TLN2: variants seen among roughly 807,000 people sequenced by gnomAD.
TLN2 encodes the protein talin 2, also known as talin-2.
Under a neutral mutation model 294.7 loss-of-function variants are expected in TLN2, and 118 were observed. The ratio of observed to expected loss-of-function variants is 0.40; its 90% CI spans 0.34 to 0.47. The LOEUF is 0.47. Among genes scored for constraint, TLN2 ranks in the 20% least tolerant of loss-of-function variants. The pLI is 0.84. For missense variants in TLN2, 3,083 were observed against 3,282.2 expected (o/e 0.94, Z 1.48); for synonymous variants, 1,431 against 1,304.5 (o/e 1.10, Z -2.09).
At chr15:62,441,929 C>T (rs761722236) in intron 1 of TLN2, among the ~76,000 whole-genome samples, 14 of 152,110 alleles carry the variant, frequency 9.2e-5, no homozygotes, top group African/African-American at 2.4e-4. Flanking sequence ...CCTCATACCT[C>T]GCCCTAAGCA....
intron 24 of TLN2, among the ~76,000 whole-genome samples, chr15:62,718,338 G>C (rs868057962): frequency 6.6e-6 from 1 of 152,228 alleles, no homozygotes; most frequent in Non-Finnish European, 1.5e-5. Flanking sequence ...CATGTGGGTG[G>C]CACATCTGGC....
rs755204567 is a variant in TLN2 at position 62,725,067 on chromosome 15, C to T, written c.3218C>T (p.Ala1073Val). The T allele has an allele frequency of 1.9e-6, 3 of 1,612,922 alleles. No homozygotes were observed. The highest frequency in any genetic ancestry group is 2.2e-5 in the East Asian group (1 of 44,864). ...GAACTGCAGGATGCCAAGATGGCAGCCGTGGAGAGCCAGCTGAAGCCACTT... is the reference window on the plus strand; with the variant it reads ...GAACTGCAGGATGCCAAGATGGCAGTCGTGGAGAGCCAGCTGAAGCCACTT... ...KNELQDAKMA[A>V]VESQLKPLPG... The change falls in exon 27 of 59, where the codon GCC becomes GTC. Residue 1073 changes from alanine to valine, a missense_variant. Physicochemically the swap from Ala to Val is moderately conservative, Grantham distance 64 (BLOSUM62 0). Coordinates refer to ENST00000636159, the MANE Select transcript of TLN2 (RefSeq NM_015059.3).
chr15:62,567,816 G>T (rs1466681505), intron 1 of TLN2, among the ~76,000 whole-genome samples: 1 of 152,124 alleles, frequency 6.6e-6, no homozygotes, highest in Non-Finnish European at 1.5e-5. Flanking sequence ...TGGAGCCTGG[G>T]TGACAGAGTG....
chr15:62,788,925 G>T (rs984411550), intron 45 of TLN2, among the ~76,000 whole-genome samples: 3 of 152,170 alleles, frequency 2.0e-5, no homozygotes, highest in Non-Finnish European at 4.4e-5. Flanking sequence ...AGGAACAAAG[G>T]CCCCTCAAGG....
chr15:62,423,566 A>G (rs920702552), intron 1 of TLN2, among the ~76,000 whole-genome samples: 7 of 150,736 alleles, frequency 4.6e-5, no homozygotes, highest in East Asian at 3.9e-4. Context: ...TGCCTTCCCC[A>G]CCTATACTGA....
At chr15:62,588,580 C>T (rs539748161) in intron 1 of TLN2, among the ~76,000 whole-genome samples, 3 of 147,458 alleles carry the variant, frequency 2.0e-5, no homozygotes, top group South Asian at 4.4e-4. Context: ...AACAGTGAGC[C>T]GAGATGGCAC....
chr15:62,674,018 A>G (rs150594856), intron 10 of TLN2, 128 bp downstream of exon 10: 3 of 594,220 alleles, frequency 5.0e-6, no homozygotes, highest in African/African-American at 3.7e-5. Context: ...ATGATTAGTG[A>G]CTCAAGAGTA....
At chr15:62,602,883 A>G (rs1004464558) in intron 2 of TLN2, among the ~76,000 whole-genome samples, 1 of 146,110 alleles carries the variant, frequency 6.8e-6, no homozygotes, top group African/African-American at 2.6e-5. Flanking sequence ...TTTTTTTTTA[A>G]ATTTTTATTT....
chr15:62,513,703 A>T (rs753804164), intron 1 of TLN2, among the ~76,000 whole-genome samples: 1 of 152,218 alleles, frequency 6.6e-6, no homozygotes, highest in African/African-American at 2.4e-5. Flanking sequence ...AGTGTCTGGC[A>T]TATGGACAAC....
At chr15:62,422,635 G>C (rs2034481370) in intron 1 of TLN2, among the ~76,000 whole-genome samples, 1 of 152,060 alleles carries the variant, frequency 6.6e-6, no homozygotes, top group Non-Finnish European at 1.5e-5. Flanking sequence ...GTCTACCCTT[G>C]GTCCTTATCC....
chr15:62,668,344 CAATAA>C (rs1017136716), intron 9 of TLN2, among the ~76,000 whole-genome samples: 1 of 152,056 alleles, frequency 6.6e-6, no homozygotes, highest in Non-Finnish European at 1.5e-5. Flanking sequence ...TGAATATATA[CAATAA>C]AATAACAAAA....
At chr15:62,691,419 A>G (rs1021461007) in intron 12 of TLN2, among the ~76,000 whole-genome samples, 4 of 151,818 alleles carry the variant, frequency 2.6e-5, no homozygotes, top group African/African-American at 7.3e-5. Context: ...TGCCTTTTTC[A>G]GTTCTGTAAT....
chr15:62,424,952 CT>C (rs529075856), intron 1 of TLN2, among the ~76,000 whole-genome samples: 2,836 of 129,186 alleles, frequency 0.022, 38 homozygotes, highest in Non-Finnish European at 0.031. Context: ...CGTGCCTGGC[CT>C]TTTTTTTTTT....
At position 62,722,357 on chromosome 15, in the gene TLN2, G is replaced by T; in HGVS notation, c.2996G>T (p.Gly999Val). The T allele has an allele frequency of 6.2e-7, 1 of 1,607,756 alleles. No individual in the cohort carries two copies. The highest frequency in any genetic ancestry group is 8.5e-7 in the Non-Finnish European group (1 of 1,175,314). ...IISSQNFLQP[G>V]SKMVSSAKAA... Reference sequence around the variant, plus strand: ...TTTCTTTTCATCTCTCTATAGCCTGGAAGCAAGATGGTGTCCTCTGCCAAA... The same window carrying T: ...TTTCTTTTCATCTCTCTATAGCCTGTAAGCAAGATGGTGTCCTCTGCCAAA... Residue 999 changes from glycine to valine, a missense_variant, in exon 26 of 59, where the codon GGA becomes GTA. Transcript: ENST00000636159.
chr15:62,785,423 A>G (rs1308898476), intron 45 of TLN2, among the ~76,000 whole-genome samples: 2 of 152,116 alleles, frequency 1.3e-5, no homozygotes, highest in Admixed American at 6.5e-5. Context: ...GCACTTTGGG[A>G]GGCCGAGGTG....
rs538793744 is a variant in TLN2 at position 62,538,318 on chromosome 15, A to G, written c.-237-51369A>G. 3.3e-5 allele frequency among the ~76,000 whole-genome samples: 5 copies of G among 152,318 alleles called. No individual in the cohort carries two copies. In the South Asian group the frequency reaches 6.2e-4, roughly 19 times the overall value. ...TCCATCAAGAGCTCAAGAGTAATAT[A>G]GTAATGGCCCTTGGATATTAAGCAC... On this transcript the variant is annotated intron_variant, in intron 1 of 58. Coordinates refer to ENST00000636159, the MANE Select transcript of TLN2 (RefSeq NM_015059.3).
intron 1 of TLN2, among the ~76,000 whole-genome samples, chr15:62,445,916 G>A (rs910725304): frequency 1.3e-5 from 2 of 152,116 alleles, no homozygotes; most frequent in Non-Finnish European, 2.9e-5. Flanking sequence ...CTCCCAAAGT[G>A]CTGGGATTAC....
chr15:62,568,964 G>A (rs1046253287), intron 1 of TLN2, among the ~76,000 whole-genome samples: 1 of 152,188 alleles, frequency 6.6e-6, no homozygotes, highest in Non-Finnish European at 1.5e-5. Flanking sequence ...AGTTCTGGAA[G>A]CCAGAAGTCC....
Position 62,707,187 on chromosome 15 carries a change from G to A in TLN2, c.2106G>A (p.Gln702=). ...AAGTGGCCGAAGACACTGTCCTACAGAACAGGGTAATTGCTGCTGCCACCC... is the reference window on the plus strand; with the variant it reads ...AAGTGGCCGAAGACACTGTCCTACAAAACAGGGTAATTGCTGCTGCCACCC... The part of the protein sequence containing the change: ...VAQVAEDTVL[Q]NRVIAAATQC... Residue 702 remains glutamine (Q), a synonymous_variant, in exon 20 of 59, where the codon CAG becomes CAA. Coordinates refer to ENST00000636159, the MANE Select transcript of TLN2 (RefSeq NM_015059.3). 1 of 1,614,188 alleles carries A rather than the reference G, an allele frequency of 6.2e-7. No individual in the cohort carries two copies. The highest frequency in any genetic ancestry group is 8.5e-7 in the Non-Finnish European group (1 of 1,180,018).
Sources: gnomAD v4.1 joint callset for allele counts (sites outside exome capture counted in the v4.1 genomes callset) on GRCh38, gnomAD v4.1.1 for gene constraint, MANE v1.5 for transcripts, NCBI Gene and HGNC (gene_info 2026-07-23, HGNC 2026-07-21) for gene names.